The following DRC8 variants were observed in gnomAD, a reference collection of about 807,000 sequenced individuals.
DRC8 encodes dynein regulatory complex protein 8.
the DRC8 span, among the ~76,000 whole-genome samples, chr1:245,108,602 C>A: frequency 1.6e-3 from 249 of 152,326 alleles, 2 homozygotes; most frequent in Middle Eastern, 6.8e-3. Flanking sequence ...CAGATCCAAA[C>A]CTTTGATCCA....
the DRC8 span, among the ~76,000 whole-genome samples, chr1:245,112,880 A>G: frequency 3.3e-5 from 5 of 152,104 alleles, no homozygotes; most frequent in African/African-American, 1.2e-4. Flanking sequence ...CAGCCTCCCA[A>G]GTAGCTGGGA....
the DRC8 span, among the ~76,000 whole-genome samples, chr1:245,107,920 C>T: frequency 1.3e-5 from 2 of 152,232 alleles, no homozygotes; most frequent in East Asian, 3.9e-4. Context: ...AGAAGCTCCG[C>T]GTCCTCCTGG....
At chr1:245,026,694 ATGAAG>A in the DRC8 span, among the ~76,000 whole-genome samples, 3 of 152,378 alleles carry the variant, frequency 2.0e-5, no homozygotes, top group East Asian at 5.8e-4. Flanking sequence ...ACATGTATGA[ATGAAG>A]TGAATGATGA....
the DRC8 span, among the ~76,000 whole-genome samples, chr1:245,010,490 G>A: frequency 5.3e-5 from 8 of 152,072 alleles, no homozygotes; most frequent in African/African-American, 1.7e-4. Flanking sequence ...TGTGGTTGTC[G>A]CTGTGCAGAA....
chr1:245,087,121 C>A, the DRC8 span: 5 of 1,403,530 alleles, frequency 3.6e-6, no homozygotes, highest in South Asian at 1.4e-5. Flanking sequence ...CTCTACAGCT[C>A]CAGGGAGCGT....
At chr1:245,088,754 G>A in the DRC8 span, among the ~76,000 whole-genome samples, 2 of 152,302 alleles carry the variant, frequency 1.3e-5, no homozygotes, top group East Asian at 1.9e-4. The surrounding 1 kb of genome is among the most constrained non-coding windows in gnomAD (Gnocchi z 4.6). Context: ...ACTTTAAAAC[G>A]AGTAGTTTAG....
the DRC8 span, chr1:245,121,816 G>C: frequency 1.3e-5 from 5 of 384,374 alleles, no homozygotes; most frequent in Non-Finnish European, 2.5e-5. Context: ...TCCCTCAGCA[G>C]CCTCACAGGC....
the DRC8 span, among the ~76,000 whole-genome samples, chr1:245,018,291 T>A: frequency 6.6e-6 from 1 of 150,488 alleles, no homozygotes; most frequent in Non-Finnish European, 1.5e-5. Flanking sequence ...AAATGAGGGT[T>A]ATTTGATGAG....
At chr1:245,068,845 A>G in the DRC8 span, among the ~76,000 whole-genome samples, 1 of 152,270 alleles carries the variant, frequency 6.6e-6, no homozygotes, top group East Asian at 1.9e-4. Context: ...ATGTTATTAC[A>G]AAGCTTTCAT....
the DRC8 span, among the ~76,000 whole-genome samples, chr1:245,028,664 G>T: frequency 6.6e-6 from 1 of 152,158 alleles, no homozygotes; most frequent in South Asian, 2.1e-4. Context: ...AGCAGTTACA[G>T]AATATGAAGG....
chr1:245,094,840 C>T, the DRC8 span, among the ~76,000 whole-genome samples: 6 of 152,230 alleles, frequency 3.9e-5, no homozygotes, highest in East Asian at 9.6e-4. Flanking sequence ...CTTAATTCCA[C>T]AGAAGTTAAC....
the DRC8 span, chr1:245,017,097 A>G: frequency 1.3e-6 from 1 of 770,684 alleles, no homozygotes; most frequent in African/African-American, 1.8e-5. Context: ...CTCCAGAGGA[A>G]GTTAAACATG....
the DRC8 span, among the ~76,000 whole-genome samples, chr1:245,116,639 A>C: frequency 2.6e-5 from 4 of 152,198 alleles, no homozygotes; most frequent in African/African-American, 9.7e-5. Context: ...CATATAGATA[A>C]AATTGTTATT....
At chr1:244,971,992 A>C in the DRC8 span, among the ~76,000 whole-genome samples, 5 of 151,872 alleles carry the variant, frequency 3.3e-5, no homozygotes, top group African/African-American at 1.2e-4. Flanking sequence ...TAGGAGATAA[A>C]CTAGCAAGGT....
chr1:245,110,569 A>T, the DRC8 span, among the ~76,000 whole-genome samples: 10 of 152,274 alleles, frequency 6.6e-5, no homozygotes. Flanking sequence ...ACTCTAATGG[A>T]CCACAGACAG....
the DRC8 span, among the ~76,000 whole-genome samples, chr1:245,073,105 A>C: frequency 2.6e-3 from 401 of 152,316 alleles, 1 homozygote; most frequent in African/African-American, 9.2e-3. Context: ...TTTGGGTAAT[A>C]AAGAGGTATC....
At chr1:244,987,499 C>T in the DRC8 span, among the ~76,000 whole-genome samples, 13 of 152,082 alleles carry the variant, frequency 8.5e-5, no homozygotes, top group East Asian at 1.5e-3. Flanking sequence ...GCCACAGCTA[C>T]GGTATTTCAT....
the DRC8 span, among the ~76,000 whole-genome samples, chr1:245,052,991 GAGATAAC>G: frequency 6.6e-6 from 1 of 152,174 alleles, no homozygotes; most frequent in African/African-American, 2.4e-5. Flanking sequence ...GATAAAACTT[GAGATAAC>G]AGATAAGTCA....
the DRC8 span, among the ~76,000 whole-genome samples, chr1:245,062,365 G>T: frequency 0.019 from 2,922 of 152,170 alleles, 75 homozygotes; most frequent in African/African-American, 0.066. Context: ...TCTGCCTTTT[G>T]GAATATCACA....
Sources: gnomAD v4.1 joint callset for allele counts (sites outside exome capture counted in the v4.1 genomes callset) on GRCh38, gnomAD v4.1.1 for gene constraint, Gnocchi (gnomAD v3.1) non-coding constraint, MANE v1.5 for transcripts, NCBI Gene and HGNC (gene_info 2026-07-23, HGNC 2026-07-21) for gene names.